The following CSMD1 variants were observed in gnomAD, a reference collection of about 807,000 sequenced individuals.
CSMD1 encodes the protein CUB and Sushi multiple domains 1, also known as CUB and sushi domain-containing protein 1.
Under a neutral mutation model 417.5 loss-of-function variants are expected in CSMD1, and 213 were observed. The ratio of observed to expected loss-of-function variants is 0.51; its 90% CI spans 0.46 to 0.57. CSMD1 has a LOEUF of 0.57. Among genes scored for constraint, CSMD1 ranks in the 20% least tolerant of loss-of-function variants. CSMD1 has a pLI of 0.00. For missense variants in CSMD1, 6,923 were observed against 4,529.7 expected, an observed-to-expected ratio of 1.53 and a Z score of -15.17; for synonymous variants, 2,862 against 1,736.8, an observed-to-expected ratio of 1.65 and a Z score of -16.11.
intron 1 of CSMD1, among the ~76,000 whole-genome samples, chr8:4,755,989 T>A (rs919554082): frequency 6.6e-6 from 1 of 152,206 alleles, no homozygotes; most frequent in East Asian, 1.9e-4. Flanking sequence ...TGATGAATTA[T>A]TTAGTATGTG....
chr8:3,283,266 A>G (rs1802877410), intron 26 of CSMD1, among the ~76,000 whole-genome samples: 2 of 152,148 alleles, frequency 1.3e-5, no homozygotes, highest in South Asian at 4.1e-4. Flanking sequence ...GGTTGTTTGC[A>G]GAGAGACTTC....
At chr8:3,120,705 G>GGGGC in intron 41 of CSMD1, among the ~76,000 whole-genome samples, 1 of 114,394 alleles carries the variant, frequency 8.7e-6, no homozygotes, top group African/African-American at 4.9e-5. Flanking sequence ...AAATTAGCCA[G>GGGGC]GGGGGGTGAC....
At chr8:4,792,413 A>T (rs545387164) in intron 1 of CSMD1, among the ~76,000 whole-genome samples, 1 of 152,194 alleles carries the variant, frequency 6.6e-6, no homozygotes, top group East Asian at 1.9e-4. Context: ...TCTCTACTCA[A>T]TATTCAGCAG....
At chr8:4,929,190 C>A (rs1474169025) in intron 1 of CSMD1, among the ~76,000 whole-genome samples, 1 of 152,126 alleles carries the variant, frequency 6.6e-6, no homozygotes, top group Non-Finnish European at 1.5e-5. Context: ...GCAAAGGGAA[C>A]AGAGCACGAG....
intron 25 of CSMD1, among the ~76,000 whole-genome samples, chr8:3,292,706 G>C (rs899754922): frequency 6.6e-6 from 1 of 151,886 alleles, no homozygotes; most frequent in Non-Finnish European, 1.5e-5. Flanking sequence ...CTTTTATTTT[G>C]AGCCTATGTG....
chr8:2,973,778 TG>T (rs1392322348), intron 56 of CSMD1, among the ~76,000 whole-genome samples: 4 of 152,118 alleles, frequency 2.6e-5, no homozygotes, highest in African/African-American at 7.2e-5. Flanking sequence ...ATAAAGATAA[TG>T]TTTTTTTTCT....
chr8:4,727,558 T>C (rs978931401), intron 1 of CSMD1, among the ~76,000 whole-genome samples: 1 of 152,154 alleles, frequency 6.6e-6, no homozygotes, highest in African/African-American at 2.4e-5. Flanking sequence ...GGTGCAGAAC[T>C]CCACTATGCA....
chr8:4,699,483 C>T (rs1298337803), intron 1 of CSMD1, among the ~76,000 whole-genome samples: 1 of 152,160 alleles, frequency 6.6e-6, no homozygotes, highest in African/African-American at 2.4e-5. Flanking sequence ...TCCATCTGTG[C>T]TAATGAGAAA....
chr8:3,945,879 G>C (rs112251210), intron 5 of CSMD1, among the ~76,000 whole-genome samples: 2 of 152,064 alleles, frequency 1.3e-5, no homozygotes, highest in African/African-American at 2.4e-5. Context: ...AAATGCTGTA[G>C]ACATAAGAAC....
intron 2 of CSMD1, among the ~76,000 whole-genome samples, chr8:4,454,058 G>A (rs917546905): frequency 2.0e-5 from 3 of 151,856 alleles, no homozygotes; most frequent in Non-Finnish European, 4.4e-5. Flanking sequence ...TCCTGACCTC[G>A]TGATCCGCCC....
chr8:3,374,956 G>A (rs543975366), intron 18 of CSMD1, among the ~76,000 whole-genome samples: 19 of 152,248 alleles, frequency 1.2e-4, no homozygotes, highest in East Asian at 1.9e-4. Flanking sequence ...GGAGGAGGGC[G>A]GCAGTTGAAG....
At position 4,573,729 on chromosome 8, in the gene CSMD1, C is replaced by G. The variant is rs147672887; in HGVS notation, c.302+63613G>C. Among the ~76,000 whole-genome samples the G allele has an allele frequency of 3.6e-3, 548 of 152,250 alleles. 4 individuals carry two copies. Among genetic ancestry groups the G allele is most frequent in the African/African-American group, 0.012 (513 of 41,550 alleles). On this transcript the variant is annotated intron_variant, in intron 2 of 69. Transcript: ENST00000635120. The stretch of plus-strand genomic sequence containing the variant: ...TGCTGAAGCTGCACCCACAGCCACT[C>G]CTTCCCCCAGGTGCTCTGTCCCAGG...
intron 23 of CSMD1, among the ~76,000 whole-genome samples, chr8:3,329,477 G>A (rs1469453262): frequency 2.0e-5 from 3 of 152,170 alleles, no homozygotes; most frequent in Admixed American, 6.5e-5. Flanking sequence ...GGAAACTGCG[G>A]CAGCCACACA....
intron 18 of CSMD1, among the ~76,000 whole-genome samples, chr8:3,370,047 A>G (rs1809850692): frequency 6.6e-6 from 1 of 152,224 alleles, no homozygotes; most frequent in Admixed American, 6.5e-5. Context: ...TGTAGTAGCT[A>G]CTAAATGATT....
At chr8:3,917,484 G>C (rs1029196586) in intron 5 of CSMD1, among the ~76,000 whole-genome samples, 12 of 152,006 alleles carry the variant, frequency 7.9e-5, no homozygotes, top group Non-Finnish European at 1.5e-4. Flanking sequence ...ATGGCTGAAA[G>C]TTTTGTTAAA....
intron 2 of CSMD1, among the ~76,000 whole-genome samples, chr8:4,470,560 G>C (rs116268514): frequency 3.3e-5 from 5 of 152,198 alleles, no homozygotes; most frequent in Admixed American, 6.5e-5. Context: ...AAAGGATTCA[G>C]AGTGAATGTA....
rs56383786 is a variant in CSMD1 at position 3,474,155 on chromosome 8, T to A, written c.1449-5331A>T. On this transcript the variant is annotated intron_variant, in intron 11 of 69. Transcript: ENST00000635120. Reference sequence around the variant, plus strand: ...CATGCTCCCCATGTCTGCCTGGACTTGCTCCCAGGTTTTCTCCCACATCCC... The same window carrying A: ...CATGCTCCCCATGTCTGCCTGGACTAGCTCCCAGGTTTTCTCCCACATCCC... Among the ~76,000 whole-genome samples, 998 of 152,280 alleles carry A rather than the reference T, an allele frequency of 6.6e-3. 16 individuals are homozygous for A. Among genetic ancestry groups the A allele is most frequent in the African/African-American group, 0.022 (911 of 41,550 alleles).
chr8:2,971,644 C>T (rs1804466328), intron 57 of CSMD1, among the ~76,000 whole-genome samples: 1 of 152,150 alleles, frequency 6.6e-6, no homozygotes, highest in African/African-American at 2.4e-5. Context: ...GTAGAAAACA[C>T]TCTGGTTTTG....
At chr8:3,141,991 G>T (rs1307454472) in intron 41 of CSMD1, among the ~76,000 whole-genome samples, 5 of 151,994 alleles carry the variant, frequency 3.3e-5, no homozygotes, top group Non-Finnish European at 7.4e-5. Context: ...TAGAGACGGG[G>T]TTTCACCGTG....
Sources: allele counts gnomAD v4.1 joint callset (sites outside exome capture counted in the v4.1 genomes callset), GRCh38; gene constraint gnomAD v4.1.1; transcripts MANE v1.5; gene names NCBI Gene and HGNC (gene_info 2026-07-23, HGNC 2026-07-21).